FOCAD: variants seen among roughly 807,000 people sequenced by gnomAD.
FOCAD encodes KIAA1797.
In FOCAD, 198 loss-of-function variants were observed where a neutral mutation model predicts 225.6. The observed-to-expected ratio is 0.88, with a 90% confidence interval of 0.78 to 0.99. FOCAD has a LOEUF of 0.99. Ranked by LOEUF, FOCAD falls within the 50% of genes least tolerant of loss-of-function variation. FOCAD has a pLI of 0.00. For missense variants in FOCAD, 2,713 were observed against 2,123.6 expected, an observed-to-expected ratio of 1.28 and a Z score of -5.46; for synonymous variants, 897 against 755.0, an observed-to-expected ratio of 1.19 and a Z score of -3.08.
intron 2 of FOCAD, among the ~76,000 whole-genome samples, chr9:20,674,821 C>T (rs1386986210): frequency 6.6e-6 from 1 of 152,144 alleles, no homozygotes; most frequent in East Asian, 1.9e-4. Context: ...TTCTTCTGCC[C>T]CATGGTTATA....
intron 15 of FOCAD, among the ~76,000 whole-genome samples, chr9:20,842,300 T>C (rs1430673271): frequency 6.6e-6 from 1 of 151,956 alleles, no homozygotes; most frequent in Non-Finnish European, 1.5e-5. Context: ...TTTTGTTGAC[T>C]TTCTGTCTGG....
chr9:20,769,019 A>G (rs1330846723), intron 7 of FOCAD, among the ~76,000 whole-genome samples: 1 of 152,132 alleles, frequency 6.6e-6, no homozygotes, highest in Non-Finnish European at 1.5e-5. Flanking sequence ...ACTCAAGGAA[A>G]TATATTGTCA....
intron 15 of FOCAD, among the ~76,000 whole-genome samples, chr9:20,858,258 A>G (rs1018173720): frequency 2.0e-5 from 3 of 152,070 alleles, no homozygotes; most frequent in African/African-American, 4.8e-5. Context: ...TATGGCTGCA[A>G]TCTCACTACT....
chr9:20,892,824 G>A (rs1275778467), intron 21 of FOCAD, among the ~76,000 whole-genome samples: 2 of 152,076 alleles, frequency 1.3e-5, no homozygotes, highest in South Asian at 2.1e-4. Context: ...GAAATCTTTT[G>A]TGAAAGGAAA....
chr9:20,950,382 A>G (rs1351900140), intron 33 of FOCAD, among the ~76,000 whole-genome samples: 1 of 152,196 alleles, frequency 6.6e-6, no homozygotes, highest in Non-Finnish European at 1.5e-5. Context: ...GATAATACCT[A>G]TCACATAAAG....
chr9:20,711,625 G>A (rs1001870163), intron 1 of FOCAD, among the ~76,000 whole-genome samples: 7 of 152,216 alleles, frequency 4.6e-5, no homozygotes, highest in Non-Finnish European at 8.8e-5. Flanking sequence ...TTTTGTGGCT[G>A]ACTGGATTTA....
chr9:20,855,671 A>G (rs956220283), intron 15 of FOCAD, among the ~76,000 whole-genome samples: 1 of 151,528 alleles, frequency 6.6e-6, no homozygotes. Flanking sequence ...TTGTCACTCT[A>G]TTCTATCAAA....
At chr9:20,818,783 A>T (rs543143029) in intron 11 of FOCAD, among the ~76,000 whole-genome samples, 153 of 152,144 alleles carry the variant, frequency 1.0e-3, no homozygotes, top group African/African-American at 3.6e-3. Context: ...TTTGTGGTAA[A>T]TTTGGAAGTG....
chr9:20,957,809 T>A (rs1838340817), intron 35 of FOCAD, among the ~76,000 whole-genome samples: 1 of 150,236 alleles, frequency 6.7e-6, no homozygotes, highest in African/African-American at 2.4e-5. Flanking sequence ...CCACCATACC[T>A]GGCCTTTAGT....
At chr9:20,857,335 G>A (rs1338292399) in intron 15 of FOCAD, among the ~76,000 whole-genome samples, 2 of 151,650 alleles carry the variant, frequency 1.3e-5, no homozygotes, top group Non-Finnish European at 3.0e-5. Flanking sequence ...TTATTCCTAT[G>A]TATTTTATTT....
intron 11 of FOCAD, among the ~76,000 whole-genome samples, chr9:20,800,740 G>T (rs1476288368): frequency 2.0e-5 from 3 of 152,036 alleles, no homozygotes; most frequent in Non-Finnish European, 4.4e-5. Flanking sequence ...ATTCTGGTTA[G>T]CCATTCGTCT....
At chr9:20,938,848 A>T (rs1450492027) in intron 28 of FOCAD, among the ~76,000 whole-genome samples, 1 of 152,072 alleles carries the variant, frequency 6.6e-6, no homozygotes, top group East Asian at 1.9e-4. Flanking sequence ...TATTTTTCTC[A>T]GTCATTTTGC....
intron 31 of FOCAD, 39 bp downstream of exon 31, chr9:20,948,432 A>G (rs1211536126): frequency 6.3e-7 from 1 of 1,594,994 alleles, no homozygotes. Flanking sequence ...ATATTTTTAT[A>G]ATGGAAAAAG....
intron 28 of FOCAD, among the ~76,000 whole-genome samples, chr9:20,942,381 T>G (rs1030692759): frequency 6.6e-6 from 1 of 152,226 alleles, no homozygotes; most frequent in African/African-American, 2.4e-5. Context: ...ACTTACATAC[T>G]TCCTTGTTTA....
chr9:20,801,115 C>G lies in FOCAD; in HGVS notation c.1455+11507C>G, dbSNP rs375512166. Among the ~76,000 whole-genome samples, 13 of 152,252 alleles carry G rather than the reference C, an allele frequency of 8.5e-5. No homozygotes were observed. In the East Asian group the frequency reaches 1.8e-3, roughly 21 times the overall value. ...CGTTGGAGTTTGCCGGAGGTCCACT[C>G]CAGACCCTGTTTGCCTGGGTATCAG... On this transcript the variant is annotated intron_variant, in intron 11 of 43. Transcript: ENST00000338382.
At chr9:20,713,548 A>G (rs1825047411) in intron 1 of FOCAD, among the ~76,000 whole-genome samples, 1 of 152,156 alleles carries the variant, frequency 6.6e-6, no homozygotes. Flanking sequence ...CCATCTTCTA[A>G]CATATTTTAT....
intron 11 of FOCAD, among the ~76,000 whole-genome samples, chr9:20,815,137 G>GTTTTTTTTTTTTTTTTTTTTTTTTTTTTC (rs71334555): frequency 1.4e-5 from 1 of 69,116 alleles, no homozygotes; most frequent in African/African-American, 6.0e-5. Flanking sequence ...TTTTTTTTTT[G>GTTTTTTTTTTTTTTTTTTTTTTTTTTTTC]TTTTTTTTTT....
chr9:20,797,784 A>G (rs936243977), intron 11 of FOCAD, among the ~76,000 whole-genome samples: 1 of 152,192 alleles, frequency 6.6e-6, no homozygotes, highest in African/African-American at 2.4e-5. Flanking sequence ...CAATCATGCC[A>G]TCTGCAAACA....
chr9:20,993,146 G>A, intron 42 of FOCAD, 107 bp from the exon 43 acceptor site: 1 of 825,262 alleles, frequency 1.2e-6, no homozygotes. Flanking sequence ...CTACTGGGGA[G>A]GCTGAGGCAG....
Sources: allele counts gnomAD v4.1 joint callset (sites outside exome capture counted in the v4.1 genomes callset), GRCh38; gene constraint gnomAD v4.1.1; transcripts MANE v1.5; gene names NCBI Gene and HGNC (gene_info 2026-07-23, HGNC 2026-07-21).